The following BCAS3 variants were observed in gnomAD, a reference collection of about 807,000 sequenced individuals.
The protein encoded by BCAS3 is BCAS4/BCAS3 fusion.
BCAS3 carries 53 observed loss-of-function variants against 116.1 expected under a neutral mutation model. The observed-to-expected ratio is 0.46, with a 90% CI of 0.37 to 0.57. The LOEUF (loss-of-function observed/expected upper bound fraction) is 0.57, where lower values mean the gene tolerates loss of function less well. Ranked by LOEUF, BCAS3 falls within the 20% of genes least tolerant of loss-of-function variation. The pLI is 0.00. For missense variants in BCAS3, 917 were observed against 1,165.4 expected (o/e 0.79, Z 3.10); for synonymous variants, 391 against 408.2 (o/e 0.96, Z 0.51).
chr17:61,353,517 T>C (rs920334661), intron 22 of BCAS3: 1 of 152,264 alleles, frequency 6.6e-6, no homozygotes, highest in African/African-American at 2.4e-5. Flanking sequence ...GCCCCGCACT[T>C]CACTTCCCTG....
intron 19 of BCAS3, among the ~76,000 whole-genome samples, chr17:61,061,843 AC>A (rs1199343242): frequency 6.6e-6 from 1 of 152,168 alleles, no homozygotes; most frequent in African/African-American, 2.4e-5. Context: ...GAACAAAAAA[AC>A]AACGTGTTTG....
chr17:61,189,611 G>A lies in BCAS3; in HGVS notation c.2425+105047G>A, dbSNP rs539916396. ...ACCTAGGGCAGGGGTAAATGGAATC[G>A]AAAGGAGAAGAATGGAGAGGAATAG... On this transcript the variant is annotated intron_variant, in intron 22 of 23. Transcript: ENST00000407086. This position sits in a 1 kb window ranked among gnomAD's most constrained non-coding sequence, Gnocchi z 4.5. Among the ~76,000 whole-genome samples, 1 of 152,162 alleles carries A rather than the reference G, an allele frequency of 6.6e-6. No individual in the cohort carries two copies. Among genetic ancestry groups the A allele is most frequent in the Non-Finnish European group, 1.5e-5 (1 of 68,044 alleles).
Position 61,365,534 on chromosome 17 carries a change from A to G in BCAS3, c.2426-2793A>G, listed in dbSNP as rs2058681730. On this transcript the variant is annotated intron_variant, in intron 22 of 23. Transcript: ENST00000407086. The surrounding 1 kb of genome is among the most constrained non-coding windows in gnomAD (Gnocchi z 4.6). ...TTTTTAGTCGAGATGGCGTTTCACCATGTTGTCCAGGCTGGTCTCAAACTC... is the reference window on the plus strand; with the variant it reads ...TTTTTAGTCGAGATGGCGTTTCACCGTGTTGTCCAGGCTGGTCTCAAACTC... 6.6e-6 allele frequency among the ~76,000 whole-genome samples: 1 copy of G among 151,966 alleles called. No homozygotes were observed. The highest frequency in any genetic ancestry group is 6.5e-5 in the Admixed American group (1 of 15,270).
chr17:61,204,266 A>G lies in BCAS3; in HGVS notation c.2425+119702A>G, dbSNP rs757211356. Among the ~76,000 whole-genome samples the G allele has an allele frequency of 6.6e-6, 1 of 152,186 alleles. No homozygotes were observed. Among genetic ancestry groups the G allele is most frequent in the South Asian group, 2.1e-4 (1 of 4,826 alleles). On this transcript the variant is annotated intron_variant, in intron 22 of 23. Coordinates refer to ENST00000407086, the MANE Select transcript of BCAS3 (RefSeq NM_017679.5). This position sits in a 1 kb window ranked among gnomAD's most constrained non-coding sequence, Gnocchi z 4.2. Reference sequence around the variant, plus strand: ...TATTTGTGCTAAACCAAATTCTCCTACAAGGTATTGCTCTGTATTCAAATG... The same window carrying G: ...TATTTGTGCTAAACCAAATTCTCCTGCAAGGTATTGCTCTGTATTCAAATG...
intron 23 of BCAS3, among the ~76,000 whole-genome samples, chr17:61,370,978 C>G (rs1038115404): frequency 6.6e-6 from 1 of 152,228 alleles, no homozygotes; most frequent in Non-Finnish European, 1.5e-5. Flanking sequence ...CTCTACTTCT[C>G]TAGGTGGCTT....
chr17:61,193,702 A>G (rs1330552846), intron 22 of BCAS3, among the ~76,000 whole-genome samples: 1 of 135,570 alleles, frequency 7.4e-6, no homozygotes, highest in Non-Finnish European at 1.5e-5. Context: ...GGTTGCTGTG[A>G]GCCGAGATCG....
At chr17:60,692,507 G>A (rs892385443) in intron 4 of BCAS3, among the ~76,000 whole-genome samples, 1 of 152,130 alleles carries the variant, frequency 6.6e-6, no homozygotes, top group Non-Finnish European at 1.5e-5. Flanking sequence ...CTCCCAAAGT[G>A]CTGGGATTAC....
chr17:61,182,290 T>C (rs2079526141), intron 22 of BCAS3, among the ~76,000 whole-genome samples: 1 of 152,242 alleles, frequency 6.6e-6, no homozygotes. Context: ...TAGTTGTTTA[T>C]TAACGGTAGT....
chr17:60,944,699 T>C (rs2060394069), intron 13 of BCAS3, among the ~76,000 whole-genome samples: 2 of 152,146 alleles, frequency 1.3e-5, no homozygotes, highest in Non-Finnish European at 2.9e-5. Context: ...ATCCCAAGAA[T>C]GCAAGGCATA....
At chr17:61,341,451 G>A (rs2057143748) in intron 22 of BCAS3, among the ~76,000 whole-genome samples, 1 of 152,146 alleles carries the variant, frequency 6.6e-6, no homozygotes, top group African/African-American at 2.4e-5. Context: ...GATCCTTTCA[G>A]TAACCCTTCA....
At chr17:60,828,487 GGTATCAAA>G (rs1568336898) in intron 7 of BCAS3, among the ~76,000 whole-genome samples, 1 of 151,912 alleles carries the variant, frequency 6.6e-6, no homozygotes, top group East Asian at 1.9e-4. Context: ...TTGATTTTCT[GGTATCAAA>G]GTATTGGGAT....
intron 7 of BCAS3, among the ~76,000 whole-genome samples, chr17:60,827,348 A>G (rs1481295980): frequency 6.6e-6 from 1 of 152,132 alleles, no homozygotes; most frequent in Non-Finnish European, 1.5e-5. Context: ...ATTTATATTT[A>G]TATACTTTCT....
intron 23 of BCAS3, among the ~76,000 whole-genome samples, chr17:61,373,295 A>G (rs555139937): frequency 3.5e-4 from 54 of 152,146 alleles, no homozygotes; most frequent in African/African-American, 1.3e-3. Context: ...TCACCGTGTT[A>G]GCCAGGCTGG....
chr17:60,876,371 C>A lies in BCAS3; in HGVS notation c.661+1633C>A, dbSNP rs149463796. Among the ~76,000 whole-genome samples, 356 of 151,998 alleles carry A rather than the reference C, an allele frequency of 2.3e-3. 3 individuals are homozygous for A. The highest frequency in any genetic ancestry group is 8.2e-3 in the African/African-American group (341 of 41,516). ...GACCAGAATGGCCTTTTCACTAATA[C>A]CCCTTCTCTTTATGATGTTTTAATC... On this transcript the variant is annotated intron_variant, in intron 9 of 23. Transcript: ENST00000407086.
In BCAS3 at chr17:61,215,337, T is replaced by G; in HGVS notation, c.2425+130773T>G. On this transcript the variant is annotated intron_variant, in intron 22 of 23. Transcript: ENST00000407086. The surrounding 1 kb of genome is among the most constrained non-coding windows in gnomAD (Gnocchi z 4.8). ...AGAATCTAGAGATCTGGGGTTTTAC[T>G]CATCACTGTCAGTAACTAGCTCTCT... Among the ~76,000 whole-genome samples the G allele has an allele frequency of 6.6e-6, 1 of 152,232 alleles. No individual in the cohort carries two copies. The highest frequency in any genetic ancestry group is 1.9e-4 in the East Asian group (1 of 5,194).
chr17:61,043,467 C>T (rs1201936916), intron 19 of BCAS3, among the ~76,000 whole-genome samples: 3 of 152,052 alleles, frequency 2.0e-5, no homozygotes, highest in African/African-American at 4.8e-5. Flanking sequence ...TTTTGTTTAA[C>T]ATCAATTCTT....
rs2074667029 is a variant in BCAS3, at chr17:61,106,585, G to A, written c.2425+22021G>A. On this transcript the variant is annotated intron_variant, in intron 22 of 23. Transcript: ENST00000407086. The surrounding 1 kb of genome is among the most constrained non-coding windows in gnomAD (Gnocchi z 4.2). ...CTTTGTTGTTAAGCAATGCGTGGGT[G>A]TATAGTGTTGGTACTGTCCATGGTT... 6.6e-6 allele frequency among the ~76,000 whole-genome samples: 1 copy of A among 152,234 alleles called. No homozygotes were observed. The highest frequency in any genetic ancestry group is 2.4e-5 in the African/African-American group (1 of 41,462).
At chr17:61,194,740 CAAA>C (rs35551914) in intron 22 of BCAS3, among the ~76,000 whole-genome samples, 4 of 122,908 alleles carry the variant, frequency 3.3e-5, no homozygotes, top group Non-Finnish European at 1.6e-5. Context: ...GACTCTGTCT[CAAA>C]AAAAAAAAAA....
Position 61,264,564 on chromosome 17 carries a change from C to T in BCAS3, c.2426-103763C>T, listed in dbSNP as rs188985014. Among the ~76,000 whole-genome samples, 43 of 152,118 alleles carry T rather than the reference C, an allele frequency of 2.8e-4. No homozygotes were observed. In the East Asian group the frequency reaches 7.0e-3, roughly 25 times the overall value. ...CTGGGATTACAGGGATGTGCCACCG[C>T]GTCCAGCTAATTTTTGTATTTTTAG... On this transcript the variant is annotated intron_variant, in intron 22 of 23. Transcript: ENST00000407086.
Sources: allele counts gnomAD v4.1 joint callset (sites outside exome capture counted in the v4.1 genomes callset), GRCh38; gene constraint gnomAD v4.1.1; non-coding constraint Gnocchi (gnomAD v3.1); transcripts MANE v1.5; gene names NCBI Gene and HGNC (gene_info 2026-07-23, HGNC 2026-07-21).